ANKRD12: variants seen among roughly 807,000 people sequenced by gnomAD.
ANKRD12 encodes the protein ankyrin repeat domain-containing protein 12.
ANKRD12 carries 85 observed loss-of-function variants against 183.4 expected under a neutral mutation model. The observed-to-expected ratio is 0.46, with a 90% CI of 0.39 to 0.56. ANKRD12 has a LOEUF of 0.56. ANKRD12 is among the 20% of genes least tolerant of loss of function. ANKRD12 has a pLI of 0.00. For missense variants in ANKRD12, 2,405 were observed against 2,357.1 expected (o/e 1.02, Z -0.42); for synonymous variants, 914 against 800.2 (o/e 1.14, Z -2.40).
rs2040205921 is a variant in ANKRD12 at position 9,285,875 on chromosome 18, A to G, written c.*4749A>G. ...ACCTAACAGTAATGAGTCGTAATTT[A>G]TTAATGAGTAGTAGTGTATTGTACA... On this transcript the variant is annotated 3_prime_UTR_variant, in exon 13 of 13. Transcript: ENST00000262126. The G allele has an allele frequency of 6.6e-6, 1 of 152,220 alleles. No individual in the cohort carries two copies. The highest frequency in any genetic ancestry group is 6.5e-5 in the Admixed American group (1 of 15,268). 9.4% of individuals were successfully genotyped at this position (152,220 alleles called of 1,614,324 possible).
At chr18:9,277,397 G>A (rs1488180916) in intron 11 of ANKRD12, among the ~76,000 whole-genome samples, 1 of 145,102 alleles carries the variant, frequency 6.9e-6, no homozygotes, top group African/African-American at 2.6e-5. Context: ...GCACGATCTC[G>A]GCTCACTGCA....
intron 1 of ANKRD12, among the ~76,000 whole-genome samples, chr18:9,138,541 CAAACAAAA>C (rs1370556489): frequency 6.6e-6 from 1 of 151,114 alleles, no homozygotes; most frequent in Non-Finnish European, 1.5e-5. Context: ...AACAAACAAA[CAAACAAAA>C]AAACATATGC....
intron 1 of ANKRD12, among the ~76,000 whole-genome samples, chr18:9,145,882 A>C (rs1045682111): frequency 1.2e-4 from 19 of 152,260 alleles, no homozygotes; most frequent in African/African-American, 4.8e-5. Context: ...TATCTGAAGA[A>C]GGCATTCTCT....
At chr18:9,188,138 T>A (rs972474024) in intron 2 of ANKRD12, among the ~76,000 whole-genome samples, 3 of 152,204 alleles carry the variant, frequency 2.0e-5, no homozygotes, top group East Asian at 1.9e-4. Context: ...TATTTGCTAT[T>A]CAGCAATAGC....
chr18:9,282,164 C>T lies in ANKRD12; in HGVS notation c.*1038C>T, dbSNP rs948793602. Reference sequence around the variant, plus strand: ...AAGAATCTGTGAATATATGTAAATACGTTTAATAAATTTTATTGGTCATGT... The same window carrying T: ...AAGAATCTGTGAATATATGTAAATATGTTTAATAAATTTTATTGGTCATGT... On this transcript the variant is annotated 3_prime_UTR_variant, in exon 13 of 13. Transcript: ENST00000262126. 3 of 152,388 alleles carry T rather than the reference C, an allele frequency of 2.0e-5. No homozygotes were observed. Among genetic ancestry groups the T allele is most frequent in the African/African-American group, 4.8e-5 (2 of 41,360 alleles). The allele number at this position is 152,388 out of a possible 1,614,324, so 9.4% of individuals were successfully genotyped here. A position where few individuals can be genotyped will look rare whatever the true frequency, so the allele number is the denominator to read the frequency against.
chr18:9,204,649 C>A (rs2035375286), intron 4 of ANKRD12, 105 bp downstream of exon 4: 1 of 878,034 alleles, frequency 1.1e-6, no homozygotes, highest in East Asian at 2.8e-5. Flanking sequence ...ATATAGATAT[C>A]TTTGGTTAAA....
chr18:9,138,355 T>C (rs1022269556), intron 1 of ANKRD12, among the ~76,000 whole-genome samples: 1 of 152,004 alleles, frequency 6.6e-6, no homozygotes, highest in Non-Finnish European at 1.5e-5. Flanking sequence ...CTCTACTAAA[T>C]ATACAAAATT....
intron 1 of ANKRD12, among the ~76,000 whole-genome samples, chr18:9,170,467 G>A (rs192263134): frequency 6.4e-4 from 97 of 152,050 alleles, no homozygotes; most frequent in African/African-American, 1.7e-3. Flanking sequence ...TTGATCTTCC[G>A]TCACTTATAC....
At chr18:9,157,404 A>G (rs1017699753) in intron 1 of ANKRD12, among the ~76,000 whole-genome samples, 1 of 152,072 alleles carries the variant, frequency 6.6e-6, no homozygotes, top group African/African-American at 2.4e-5. Flanking sequence ...AAAGATAAAA[A>G]TTCAAAAATC....
Position 9,280,950 on chromosome 18 carries a change from T to C in ANKRD12, c.6013T>C (p.Leu2005=). 8 of 1,611,290 alleles carry C rather than the reference T, an allele frequency of 5.0e-6. 1 individual carries two copies. In the South Asian group the frequency reaches 7.8e-5, roughly 16 times the overall value. ...DKFDKLKTCL[L]MRQQHEAAAL... ...CTCTTCTTTTAAATAGACCTGTCTT[T>C]TAATGAGGCAACAACATGAAGCTGC... is the stretch of plus-strand genomic sequence containing the variant. The change falls in exon 13 of 13, where the codon TTA becomes CTA. Residue 2005 remains leucine, a synonymous_variant. Coordinates refer to ENST00000262126, the MANE Select transcript of ANKRD12 (RefSeq NM_015208.5).
At chr18:9,227,266 A>G (rs947332570) in intron 8 of ANKRD12, among the ~76,000 whole-genome samples, 2 of 152,192 alleles carry the variant, frequency 1.3e-5, no homozygotes, top group African/African-American at 4.8e-5. Flanking sequence ...TTACAGATAT[A>G]TAGTGTTCAG....
intron 5 of ANKRD12, among the ~76,000 whole-genome samples, chr18:9,210,746 A>G (rs73394123): frequency 6.6e-6 from 1 of 150,464 alleles, no homozygotes; most frequent in South Asian, 2.1e-4. Flanking sequence ...AAAATCCAAA[A>G]GATGAACCTT....
Position 9,256,091 on chromosome 18 carries a change from G to C in ANKRD12, c.2824G>C (p.Glu942Gln). 6.4e-7 allele frequency: 1 copy of C among 1,561,658 alleles called. No homozygotes were observed. Among genetic ancestry groups the C allele is most frequent in the Non-Finnish European group, 8.6e-7 (1 of 1,161,110 alleles). Residue 942 changes from glutamate to glutamine, a missense_variant, in exon 9 of 13, where the codon GAA (glutamate) becomes CAA (glutamine). By Grantham distance (29) the Glu-to-Gln change is conservative. Transcript: ENST00000262126. Reference sequence around the variant, plus strand: ...AAAAAATAAACAATCAGATAATAGTGAATACAGTAAATCAGAAAAAGGCAA... The same window carrying C: ...AAAAAATAAACAATCAGATAATAGTCAATACAGTAAATCAGAAAAAGGCAA... ...EKKNKQSDNS[E>Q]YSKSEKGKNK...
intron 5 of ANKRD12, among the ~76,000 whole-genome samples, chr18:9,211,231 C>T (rs112428444): frequency 6.6e-6 from 1 of 152,148 alleles, no homozygotes. Flanking sequence ...ATTTCACTTC[C>T]TCTAGGTCTT....
At chr18:9,186,346 T>G (rs1374936465) in intron 2 of ANKRD12, among the ~76,000 whole-genome samples, 1 of 152,222 alleles carries the variant, frequency 6.6e-6, no homozygotes, top group Non-Finnish European at 1.5e-5. Context: ...CAAGAATGAA[T>G]ACAAACTATT....
intron 1 of ANKRD12, among the ~76,000 whole-genome samples, chr18:9,147,222 T>C (rs949184430): frequency 6.6e-6 from 1 of 152,184 alleles, no homozygotes; most frequent in Non-Finnish European, 1.5e-5. Context: ...CTGTTAAAAC[T>C]ATATCGATTA....
At position 9,254,523 on chromosome 18, in the gene ANKRD12, C is replaced by G; in HGVS notation, c.1256C>G (p.Ser419Cys). ...KSFKSKKQKP[S>C]RVLYSSTESS... ...TTTAAAAGTAAAAAACAAAAGCCAT[C>G]TAGGGTCTTATATTCAAGTACTGAA... is the stretch of plus-strand genomic sequence containing the variant. The change falls in exon 9 of 13, where the codon TCT (serine) becomes TGT (cysteine). Residue 419 changes from serine (S) to cysteine (C), a missense_variant. Coordinates refer to ENST00000262126, the MANE Select transcript of ANKRD12 (RefSeq NM_015208.5). The G allele has an allele frequency of 6.5e-7, 1 of 1,549,132 alleles. No homozygotes were observed. The highest frequency in any genetic ancestry group is 2.2e-5 in the Admixed American group (1 of 45,510).
chr18:9,265,984 C>T (rs772182829), intron 10 of ANKRD12, among the ~76,000 whole-genome samples: 3 of 152,180 alleles, frequency 2.0e-5, no homozygotes, highest in Non-Finnish European at 4.4e-5. Context: ...GCACAAGCTT[C>T]AGTAGCCGAT....
At chr18:9,157,265 A>G (rs1353081595) in intron 1 of ANKRD12, among the ~76,000 whole-genome samples, 2 of 152,164 alleles carry the variant, frequency 1.3e-5, no homozygotes, top group Admixed American at 6.5e-5. Flanking sequence ...GTTGAACAAA[A>G]TAACATGAAG....
Sources: allele counts gnomAD v4.1 joint callset (sites outside exome capture counted in the v4.1 genomes callset), GRCh38; gene constraint gnomAD v4.1.1; transcripts MANE v1.5; gene names NCBI Gene and HGNC (gene_info 2026-07-23, HGNC 2026-07-21).